The following RAPGEF2 variants were observed in gnomAD, a reference collection of about 807,000 sequenced individuals.
The protein encoded by RAPGEF2 is PDZ domain containing guanine nucleotide exchange factor (GEF) 1.
RAPGEF2 carries 54 observed loss-of-function variants against 186.7 expected under a neutral mutation model. That is an observed-to-expected ratio of 0.29 (90% CI 0.23 to 0.36). The LOEUF is 0.36. RAPGEF2 is among the 10% of genes least tolerant of loss of function. The pLI is 1.00. For synonymous variants in RAPGEF2, 712 were observed against 705.9 expected, an observed-to-expected ratio of 1.01 and a Z score of -0.14; for missense variants, 1,532 against 2,045.0, an observed-to-expected ratio of 0.75 and a Z score of 4.84.
chr4:159,224,668 G>A (rs1751849918), intron 4 of RAPGEF2, among the ~76,000 whole-genome samples: 1 of 152,166 alleles, frequency 6.6e-6, no homozygotes, highest in Admixed American at 6.5e-5. Flanking sequence ...GAACAGAGAG[G>A]CTGTAGGTGA....
chr4:159,238,796 T>TC lies in RAPGEF2; in HGVS notation c.282-12dup. On this transcript the variant is annotated splice_polypyrimidine_tract_variant and intron_variant, in intron 4 of 29. Transcript: ENST00000691494. ...AGGTTCTCCTCATTGATTTTTTTTT[T>TC]CTTTCTTTCTAGTTTTGGCAAGCGT... 2.0e-6 allele frequency: 3 copies of TC among 1,514,412 alleles called. 1 individual carries two copies. In the South Asian group the frequency reaches 3.8e-5, roughly 19 times the overall value. 93.8% of individuals were successfully genotyped at this position (1,514,412 alleles called of 1,614,324 possible).
At chr4:159,134,480 C>T (rs1377483107) in intron 1 of RAPGEF2, among the ~76,000 whole-genome samples, 4 of 152,190 alleles carry the variant, frequency 2.6e-5, no homozygotes, top group Non-Finnish European at 5.9e-5. Flanking sequence ...TTTTCCCCTT[C>T]TTGATAGATA....
At chr4:159,262,061 C>G (rs1756937194) in intron 7 of RAPGEF2, among the ~76,000 whole-genome samples, 1 of 152,092 alleles carries the variant, frequency 6.6e-6, no homozygotes, top group African/African-American at 2.4e-5. Flanking sequence ...TGTCTGGTTC[C>G]CCATCTTAAA....
At chr4:159,285,081 G>A (rs115606560) in intron 7 of RAPGEF2, among the ~76,000 whole-genome samples, 443 of 152,186 alleles carry the variant, frequency 2.9e-3, no homozygotes, top group African/African-American at 8.2e-3. Flanking sequence ...TGTGTTGACT[G>A]GAGATTTTTT....
intron 28 of RAPGEF2, among the ~76,000 whole-genome samples, chr4:159,354,688 A>G (rs1289651263): frequency 6.6e-6 from 1 of 152,230 alleles, no homozygotes; most frequent in East Asian, 1.9e-4. Context: ...CATCTGTAAA[A>G]TGAGCTTCAT....
chr4:159,198,273 T>TC (rs370552914), intron 3 of RAPGEF2, among the ~76,000 whole-genome samples: 21 of 2,786 alleles, frequency 7.5e-3, no homozygotes, highest in African/African-American at 0.025. Context: ...TTTCTTTCCT[T>TC]CTTTCTTTCT....
chr4:159,124,612 G>A (rs547387004), intron 1 of RAPGEF2, among the ~76,000 whole-genome samples: 1 of 152,180 alleles, frequency 6.6e-6, no homozygotes, highest in East Asian at 1.9e-4. Flanking sequence ...ATATCTTTAC[G>A]CAAAGAAGAA....
chr4:159,306,077 G>C (rs1763253580), intron 8 of RAPGEF2, among the ~76,000 whole-genome samples: 1 of 151,290 alleles, frequency 6.6e-6, no homozygotes, highest in Non-Finnish European at 1.5e-5. Context: ...AGTATAATTT[G>C]TTCTTTCTGC....
chr4:159,109,269 T>A (rs1450189598), intron 1 of RAPGEF2, among the ~76,000 whole-genome samples: 1 of 152,086 alleles, frequency 6.6e-6, no homozygotes, highest in East Asian at 1.9e-4. Context: ...GGTGGGAGGA[T>A]CTCTTGAAGC....
At position 159,332,585 on chromosome 4, in the gene RAPGEF2, G is replaced by A; in HGVS notation, c.2023G>A (p.Gly675Arg). 5.6e-6 allele frequency: 9 copies of A among 1,614,100 alleles called. No homozygotes were observed. The highest frequency in any genetic ancestry group is 7.6e-6 in the Non-Finnish European group (9 of 1,179,998). ...DLAVDVEQVI[G>R]LEKVNKKSKA... ...TGCTGTAGATGTAGAACAGGTGATA[G>A]GACTTGAAAAAGTGAACAAAAAAAG... The change falls in exon 17 of 30, where the codon GGA (glycine) becomes AGA (arginine). Residue 675 changes from glycine to arginine, a missense_variant. Physicochemically the swap from Gly to Arg is moderately radical, Grantham distance 125. Around this residue, in one of 4 missense-constraint regions of RAPGEF2, gnomAD observed 810 missense variants for 1,210.5 expected, o/e 0.67. Coordinates refer to ENST00000691494, the MANE Select transcript of RAPGEF2 (RefSeq NM_001394067.2).
At chr4:159,270,819 ATACTAAGAT>A in intron 7 of RAPGEF2, among the ~76,000 whole-genome samples, 1 of 152,258 alleles carries the variant, frequency 6.6e-6, no homozygotes, top group East Asian at 1.9e-4. Context: ...TTGATTGATA[ATACTAAGAT>A]GAATACCCAT....
At chr4:159,124,049 T>G (rs141068567) in intron 1 of RAPGEF2, among the ~76,000 whole-genome samples, 2 of 151,244 alleles carry the variant, frequency 1.3e-5, no homozygotes, top group Admixed American at 1.3e-4. Flanking sequence ...AGAGATGGCG[T>G]TTCGCCATGT....
Position 159,353,584 on chromosome 4 carries a change from C to T in RAPGEF2, c.4189C>T (p.Arg1397Cys), listed in dbSNP as rs765270956. 23 of 1,588,672 alleles carry T rather than the reference C, an allele frequency of 1.4e-5. No individual in the cohort carries two copies. Among genetic ancestry groups the T allele is most frequent in the South Asian group, 2.3e-5 (2 of 85,896 alleles). ...GGAACTTTCCCAGGATCAGGGGGAT[C>T]GCGCGTCACTTGATGCTGCTGACAG... ...TEELSQDQGDRASLDAADSGR... is the reference protein window; with the variant it reads ...TEELSQDQGDCASLDAADSGR... The change falls in exon 28 of 30, where the codon CGC becomes TGC. Residue 1397 changes from arginine to cysteine, a missense_variant. By Grantham distance (180) the Arg-to-Cys change is radical (BLOSUM62 -3). This residue lies in a region of RAPGEF2 where 594 missense variants were observed against 608.5 expected (regional missense o/e 0.98). Coordinates refer to ENST00000691494, the MANE Select transcript of RAPGEF2 (RefSeq NM_001394067.2). This position sits in a 1 kb window ranked among gnomAD's most constrained non-coding sequence, Gnocchi z 4.3.
intron 7 of RAPGEF2, among the ~76,000 whole-genome samples, chr4:159,271,680 T>C (rs1385997612): frequency 6.6e-6 from 1 of 152,212 alleles, no homozygotes; most frequent in East Asian, 1.9e-4. Flanking sequence ...AAATTTAGTC[T>C]ACTTCAGGTG....
chr4:159,336,434 C>A (rs1395654806), intron 17 of RAPGEF2, among the ~76,000 whole-genome samples: 1 of 152,156 alleles, frequency 6.6e-6, no homozygotes, highest in Non-Finnish European at 1.5e-5. Flanking sequence ...TTTTGGTTTT[C>A]CACCATTATA....
intron 7 of RAPGEF2, among the ~76,000 whole-genome samples, chr4:159,275,675 A>G (rs1333642459): frequency 1.3e-5 from 2 of 152,118 alleles, no homozygotes; most frequent in East Asian, 3.8e-4. Context: ...TTACTCTTCT[A>G]TAATAGAGTT....
Position 159,198,239 on chromosome 4 carries a change from T to C in RAPGEF2, c.197+4983T>C, listed in dbSNP as rs190929281. On this transcript the variant is annotated intron_variant, in intron 3 of 29. Transcript: ENST00000691494. ...ATTCTTTCTTTTATTTTCTTTTCTTTCTTTCTTCCTTTCTTTCTTTCTCTT... is the reference window on the plus strand; with the variant it reads ...ATTCTTTCTTTTATTTTCTTTTCTTCCTTTCTTCCTTTCTTTCTTTCTCTT... Among the ~76,000 whole-genome samples the C allele has an allele frequency of 5.8e-3, 737 of 127,888 alleles. 16 individuals are homozygous for C. The highest frequency in any genetic ancestry group is 0.013 in the Middle Eastern group (3 of 240). The allele number at this position is 127,888 out of a possible 152,430, so 83.9% of individuals were successfully genotyped here. A position where few individuals can be genotyped will look rare whatever the true frequency, so the allele number is the denominator to read the frequency against.
intron 7 of RAPGEF2, among the ~76,000 whole-genome samples, chr4:159,293,507 C>T (rs1761512250): frequency 1.3e-5 from 2 of 152,138 alleles, no homozygotes; most frequent in African/African-American, 4.8e-5. Context: ...TTATTTTATC[C>T]AAACTGCACA....
Position 159,104,090 on chromosome 4 carries a change from G to A in RAPGEF2, c.-73G>A. ...GGGCGGGCGCAGCGCGCAGGGCGGA[G>A]GCAGCAGCGGCGCTGGGCCGGGAGG... On this transcript the variant is annotated 5_prime_UTR_variant, in exon 1 of 30. Transcript: ENST00000691494. The A allele has an allele frequency of 4.0e-6, 4 of 996,688 alleles. No individual in the cohort carries two copies. The highest frequency in any genetic ancestry group is 5.3e-6 in the Non-Finnish European group (4 of 756,138). The allele number at this position is 996,688 out of a possible 1,614,324, so 61.7% of individuals were successfully genotyped here.
Sources: gnomAD v4.1 joint callset for allele counts (sites outside exome capture counted in the v4.1 genomes callset) on GRCh38, gnomAD v4.1.1 for gene constraint, gnomAD v4.1.1 regional missense constraint, Gnocchi (gnomAD v3.1) non-coding constraint, MANE v1.5 for transcripts, NCBI Gene and HGNC (gene_info 2026-07-23, HGNC 2026-07-21) for gene names.